EXOC2: variants seen among roughly 807,000 people sequenced by gnomAD.
EXOC2 encodes exocyst complex component 2, also known as SEC5-like 1.
Under a neutral mutation model 131.8 loss-of-function variants are expected in EXOC2, and 70 were observed. That is an observed-to-expected ratio of 0.53 (90% CI 0.44 to 0.65). The LOEUF (loss-of-function observed/expected upper bound fraction) is 0.65. EXOC2 is among the 30% of genes least tolerant of loss of function. The pLI, the probability that EXOC2 is intolerant of heterozygous loss-of-function variation, is 0.00. For missense variants in EXOC2, 923 were observed against 1,108.6 expected (o/e 0.83, Z 2.38); for synonymous variants, 411 against 398.4 (o/e 1.03, Z -0.38).
At position 607,389 on chromosome 6, in the gene EXOC2, C is replaced by CA. The variant is rs536967899; in HGVS notation, c.742+2708dup. On this transcript the variant is annotated intron_variant, in intron 7 of 27. Coordinates refer to ENST00000230449, the MANE Select transcript of EXOC2 (RefSeq NM_018303.6). ...TTCATCAATAAAGCGAAGATAACAG[C>CA]ACAAACCTCAAAGTGTTGTTGTGAG... Among the ~76,000 whole-genome samples the CA allele has an allele frequency of 3.9e-3, 590 of 152,288 alleles. 4 individuals carry two copies. The highest frequency in any genetic ancestry group is 0.019 in the South Asian group (92 of 4,822).
chr6:553,451 G>A (rs912980855), intron 21 of EXOC2, among the ~76,000 whole-genome samples: 1 of 151,514 alleles, frequency 6.6e-6, no homozygotes, highest in Admixed American at 6.6e-5. Flanking sequence ...AAAAGGCTAC[G>A]ATGGAACTTA....
intron 1 of EXOC2, among the ~76,000 whole-genome samples, chr6:687,400 C>A (rs1764713790): frequency 6.6e-6 from 1 of 151,930 alleles, no homozygotes; most frequent in South Asian, 2.1e-4. Context: ...CCAGGCTGGT[C>A]TCAAACTCCT....
chr6:631,667 T>C (rs776227289), intron 3 of EXOC2, among the ~76,000 whole-genome samples: 32 of 152,206 alleles, frequency 2.1e-4, no homozygotes, highest in Admixed American at 7.9e-4. Context: ...GCTATATAAA[T>C]AGATCATAAG....
At chr6:540,611 A>G (rs370471277) in intron 22 of EXOC2, among the ~76,000 whole-genome samples, 41 of 152,198 alleles carry the variant, frequency 2.7e-4, no homozygotes, top group African/African-American at 9.2e-4. Context: ...GATTACCCCA[A>G]TCAGTACAGA....
intron 17 of EXOC2, among the ~76,000 whole-genome samples, chr6:557,034 G>A (rs879879888): frequency 3.3e-5 from 5 of 152,164 alleles, no homozygotes; most frequent in Non-Finnish European, 5.9e-5. Flanking sequence ...CAGATAGATT[G>A]TAAACAGTCA....
chr6:499,981 G>A (rs1763951046), intron 23 of EXOC2, among the ~76,000 whole-genome samples: 1 of 151,778 alleles, frequency 6.6e-6, no homozygotes, highest in Non-Finnish European at 1.5e-5. Context: ...GAAAATTTAA[G>A]AATGTTCTTC....
rs573084822 is a variant in EXOC2, at chr6:608,464, T to C, written c.742+1634A>G. On this transcript the variant is annotated intron_variant, in intron 7 of 27. Transcript: ENST00000230449. ...TTTAATAGCAAAAAGTCCTGACGAA[T>C]GGTCTCATAAAGAAGTGACCATTTA... is the stretch of plus-strand genomic sequence containing the variant. Among the ~76,000 whole-genome samples the C allele has an allele frequency of 2.0e-5, 3 of 152,350 alleles. No homozygotes were observed. The South Asian group carries it at 6.2e-4, about 32-fold the overall frequency.
chr6:654,523 G>T (rs1762970560), intron 1 of EXOC2, among the ~76,000 whole-genome samples: 1 of 152,072 alleles, frequency 6.6e-6, no homozygotes, highest in Non-Finnish European at 1.5e-5. Flanking sequence ...GTAGAGGCTG[G>T]GCATGGTGGC....
At chr6:653,444 T>TA (rs530729499) in intron 1 of EXOC2, among the ~76,000 whole-genome samples, 510 of 152,330 alleles carry the variant, frequency 3.3e-3, no homozygotes, top group Non-Finnish European at 5.4e-3. Context: ...TTATTGCTGA[T>TA]ATGGAGAAAG....
intron 1 of EXOC2, among the ~76,000 whole-genome samples, chr6:642,693 A>AT (rs1449001878): frequency 1.3e-5 from 2 of 152,310 alleles, no homozygotes; most frequent in Non-Finnish European, 2.9e-5. Flanking sequence ...TTATAAAATT[A>AT]TTTTTTAAAA....
rs191538370 is a variant in EXOC2 at position 578,800 on chromosome 6, A to G, written c.1193-1918T>C. Among the ~76,000 whole-genome samples, 366 of 152,334 alleles carry G rather than the reference A, an allele frequency of 2.4e-3. 1 individual carries two copies. Among genetic ancestry groups the G allele is most frequent in the African/African-American group, 8.3e-3 (346 of 41,578 alleles). ...CAGAGAAAAAAAATACAGTGAAGAAAGTATTTTTTTCTAATTGACTTTTTT... is the reference window on the plus strand; with the variant it reads ...CAGAGAAAAAAAATACAGTGAAGAAGGTATTTTTTTCTAATTGACTTTTTT... On this transcript the variant is annotated intron_variant, in intron 11 of 27. Transcript: ENST00000230449.
Position 617,778 on chromosome 6 carries a change from A to G in EXOC2, c.594T>C (p.Ser198=), listed in dbSNP as rs1761088309. ...CTTTCACATAGGCCAGGCTGCCCTC[A>G]CTCTTCTTGTTAGCCTGTCTCTTTA... The part of the protein sequence containing the change: ...TNLKRQANKK[S]EGSLAYVKGG... Residue 198 remains serine (S), a synonymous_variant, in exon 6 of 28, where the codon AGT becomes AGC. Transcript: ENST00000230449. 6.2e-7 allele frequency: 1 copy of G among 1,613,362 alleles called. No homozygotes were observed. Among genetic ancestry groups the G allele is most frequent in the African/African-American group, 1.3e-5 (1 of 74,854 alleles).
chr6:614,164 T>C (rs916068880), intron 6 of EXOC2, among the ~76,000 whole-genome samples: 13 of 152,008 alleles, frequency 8.6e-5, no homozygotes, highest in African/African-American at 3.1e-4. Flanking sequence ...AAGAGTGTCT[T>C]TGTTTGCCTG....
intron 23 of EXOC2, among the ~76,000 whole-genome samples, chr6:504,149 G>GCC (rs10701023): frequency 0.027 from 4,126 of 152,340 alleles, 188 homozygotes; most frequent in African/African-American, 0.095. Flanking sequence ...GGTGCTGGCA[G>GCC]CCAGGGTAAA....
At chr6:626,296 C>T (rs1381265822) in intron 4 of EXOC2, among the ~76,000 whole-genome samples, 2 of 152,146 alleles carry the variant, frequency 1.3e-5, no homozygotes, top group Non-Finnish European at 2.9e-5. Flanking sequence ...ACAAATGCCA[C>T]GTTGTTAAAC....
At chr6:561,911 A>T (rs1458480583) in intron 17 of EXOC2, among the ~76,000 whole-genome samples, 1 of 152,222 alleles carries the variant, frequency 6.6e-6, no homozygotes, top group Admixed American at 6.5e-5. Flanking sequence ...GGTAAGACAG[A>T]AAACAGGAGC....
In EXOC2 at chr6:667,184, T is replaced by C. The variant is rs1326881280; in HGVS notation, c.-44+25835A>G. ...ATCTATAATGCTCCTCCTTTCTTCA[T>C]GTAGATCTGAGTTTCTAATCTACAT... On this transcript the variant is annotated intron_variant, in intron 1 of 27. Coordinates refer to ENST00000230449, the MANE Select transcript of EXOC2 (RefSeq NM_018303.6). Among the ~76,000 whole-genome samples the C allele has an allele frequency of 1.1e-4, 10 of 87,122 alleles. 3 individuals are homozygous for C. Among genetic ancestry groups the C allele is most frequent in the African/African-American group, 3.0e-4 (9 of 30,178 alleles). 57.2% of individuals were successfully genotyped at this position (87,122 alleles called of 152,430 possible).
At chr6:502,043 C>T (rs1166698333) in intron 23 of EXOC2, among the ~76,000 whole-genome samples, 8 of 152,250 alleles carry the variant, frequency 5.3e-5, no homozygotes, top group East Asian at 3.9e-4. Context: ...CTGGCCTCGC[C>T]GCTCATACCC....
intron 13 of EXOC2, among the ~76,000 whole-genome samples, chr6:569,803 C>T (rs1404778235): frequency 1.3e-5 from 2 of 152,242 alleles, no homozygotes; most frequent in Non-Finnish European, 2.9e-5. Flanking sequence ...ATATCCAATT[C>T]AGCACAACCA....
Sources: allele counts gnomAD v4.1 joint callset (sites outside exome capture counted in the v4.1 genomes callset), GRCh38; gene constraint gnomAD v4.1.1; transcripts MANE v1.5; gene names NCBI Gene and HGNC (gene_info 2026-07-23, HGNC 2026-07-21).